GRIA4: variants seen among roughly 807,000 people sequenced by gnomAD.
The protein encoded by GRIA4 is glutamate receptor 4.
In GRIA4, 34 loss-of-function variants were observed where a neutral mutation model predicts 104.0. The ratio of observed to expected loss-of-function variants is 0.33; its 90% CI spans 0.25 to 0.44. The LOEUF (loss-of-function observed/expected upper bound fraction) is 0.44, where lower values mean the gene tolerates loss of function less well. Among genes scored for constraint, GRIA4 ranks in the 20% least tolerant of loss-of-function variants. GRIA4 has a pLI of 1.00. For missense variants in GRIA4, 750 were observed against 1,096.5 expected (o/e 0.68, Z 4.46); for synonymous variants, 386 against 381.9 (o/e 1.01, Z -0.13).
chr11:105,748,088 T>C (rs964800007), intron 3 of GRIA4, among the ~76,000 whole-genome samples: 3 of 152,218 alleles, frequency 2.0e-5, no homozygotes, highest in African/African-American at 7.2e-5. Flanking sequence ...AGAATAACAG[T>C]GATTTCTTCT....
At chr11:105,665,497 G>A (rs1952138384) in intron 3 of GRIA4, among the ~76,000 whole-genome samples, 2 of 151,872 alleles carry the variant, frequency 1.3e-5, no homozygotes, top group Admixed American at 6.6e-5. Flanking sequence ...GAGAATGAGA[G>A]CAGTGCAGGA....
intron 4 of GRIA4, among the ~76,000 whole-genome samples, chr11:105,802,675 A>G (rs557379404): frequency 6.6e-6 from 1 of 152,052 alleles, no homozygotes; most frequent in South Asian, 2.1e-4. Context: ...AATATTGAGT[A>G]TTTCTTTAAT....
intron 3 of GRIA4, among the ~76,000 whole-genome samples, chr11:105,690,992 TTTTC>T (rs1460318952): frequency 6.6e-6 from 1 of 152,126 alleles, no homozygotes; most frequent in Admixed American, 6.5e-5. Flanking sequence ...AAGGGCCAGT[TTTTC>T]TTTGGATCCT....
intron 14 of GRIA4, among the ~76,000 whole-genome samples, chr11:105,961,202 T>C (rs1391884055): frequency 6.6e-6 from 1 of 152,256 alleles, no homozygotes; most frequent in East Asian, 1.9e-4. Flanking sequence ...TGAATTTGCA[T>C]TGCTTTAATG....
At chr11:105,883,065 C>A (rs568827245) in intron 5 of GRIA4, among the ~76,000 whole-genome samples, 2 of 152,056 alleles carry the variant, frequency 1.3e-5, no homozygotes, top group Admixed American at 6.6e-5. Flanking sequence ...AAACAACTCT[C>A]TGCTTCTTAA....
chr11:105,953,056 T>C (rs1008040819), intron 14 of GRIA4, among the ~76,000 whole-genome samples: 1 of 152,212 alleles, frequency 6.6e-6, no homozygotes, highest in Non-Finnish European at 1.5e-5. Context: ...TCTACTGGAA[T>C]GAATAATTTG....
chr11:105,772,486 T>G (rs1247954165), intron 4 of GRIA4, among the ~76,000 whole-genome samples: 1 of 152,132 alleles, frequency 6.6e-6, no homozygotes, highest in Non-Finnish European at 1.5e-5. Context: ...TCTGATAACA[T>G]TTTTTCTCTT....
chr11:105,618,239 T>C (rs111452448), intron 3 of GRIA4, among the ~76,000 whole-genome samples: 2 of 151,960 alleles, frequency 1.3e-5, no homozygotes, highest in East Asian at 1.9e-4. Flanking sequence ...GAGGGACCCA[T>C]AAATGATTGG....
intron 4 of GRIA4, among the ~76,000 whole-genome samples, chr11:105,825,399 T>G (rs1261493991): frequency 6.6e-6 from 1 of 151,996 alleles, no homozygotes; most frequent in Admixed American, 6.6e-5. Flanking sequence ...AGTGCCTCCT[T>G]TTTACCTAAA....
chr11:105,965,491 T>C (rs1370617555), intron 14 of GRIA4, among the ~76,000 whole-genome samples: 1 of 151,850 alleles, frequency 6.6e-6, no homozygotes, highest in Non-Finnish European at 1.5e-5. Flanking sequence ...ACTCTTTGTT[T>C]TCAGGGAATC....
chr11:105,714,529 C>CT, intron 3 of GRIA4, among the ~76,000 whole-genome samples: 1 of 151,954 alleles, frequency 6.6e-6, no homozygotes, highest in Non-Finnish European at 1.5e-5. Context: ...TATTATCATG[C>CT]TTAAGACTTG....
At chr11:105,619,093 C>G (rs1315140695) in intron 3 of GRIA4, among the ~76,000 whole-genome samples, 1 of 151,426 alleles carries the variant, frequency 6.6e-6, no homozygotes, top group Non-Finnish European at 1.5e-5. Context: ...AAAAAGCAAC[C>G]CCATAGAGAT....
chr11:105,857,042 T>C (rs1945032595), intron 4 of GRIA4, among the ~76,000 whole-genome samples: 1 of 152,134 alleles, frequency 6.6e-6, no homozygotes, highest in African/African-American at 2.4e-5. Flanking sequence ...ATAAATACTA[T>C]AGTTACAGCT....
chr11:105,910,932 G>T (rs907094421), intron 10 of GRIA4, among the ~76,000 whole-genome samples: 15 of 151,970 alleles, frequency 9.9e-5, no homozygotes, highest in African/African-American at 1.7e-4. Context: ...TTTTTAAAAA[G>T]TCAATGTAAT....
intron 10 of GRIA4, among the ~76,000 whole-genome samples, chr11:105,917,399 A>T (rs899124017): frequency 1.3e-5 from 2 of 152,212 alleles, no homozygotes; most frequent in Non-Finnish European, 2.9e-5. Flanking sequence ...TTAAATTTTT[A>T]AAAGGGGTTC....
At chr11:105,797,616 T>C in intron 4 of GRIA4, 1 of 250,748 alleles carries the variant, frequency 4.0e-6, no homozygotes, top group Non-Finnish European at 8.2e-6. Context: ...TCCCATCTGA[T>C]TCTTTGTTCT....
intron 8 of GRIA4, among the ~76,000 whole-genome samples, chr11:105,904,932 C>A (rs1946988933): frequency 6.6e-6 from 1 of 152,096 alleles, no homozygotes; most frequent in Non-Finnish European, 1.5e-5. Flanking sequence ...AGGGAGGATT[C>A]TTCGACTAAA....
intron 3 of GRIA4, among the ~76,000 whole-genome samples, chr11:105,748,540 G>A (rs1939805711): frequency 6.6e-6 from 1 of 152,028 alleles, no homozygotes; most frequent in Non-Finnish European, 1.5e-5. Context: ...GTGCCAGCAC[G>A]CCCTGCTAAT....
intron 3 of GRIA4, among the ~76,000 whole-genome samples, chr11:105,623,795 T>C (rs1166436999): frequency 1.3e-5 from 2 of 152,214 alleles, no homozygotes; most frequent in African/African-American, 2.4e-5. Flanking sequence ...GTAACTATTA[T>C]TTCCAAATAT....
Sources: gnomAD v4.1 joint callset for allele counts (sites outside exome capture counted in the v4.1 genomes callset) on GRCh38, gnomAD v4.1.1 for gene constraint, MANE v1.5 for transcripts, NCBI Gene and HGNC (gene_info 2026-07-23, HGNC 2026-07-21) for gene names.